PPP2R1B: variants seen among roughly 807,000 people sequenced by gnomAD.
The protein encoded by PPP2R1B is serine/threonine-protein phosphatase 2A 65 kDa regulatory subunit A beta isoform.
A neutral mutation model predicts 72.7 loss-of-function variants in PPP2R1B; 58 were observed. The observed-to-expected ratio is 0.80, with a 90% CI of 0.65 to 0.99. PPP2R1B has a LOEUF of 0.99. Among genes scored for constraint, PPP2R1B ranks in the 50% least tolerant of loss-of-function variants. PPP2R1B has a pLI of 0.00. For missense variants in PPP2R1B, 695 were observed against 733.6 expected (o/e 0.95, Z 0.61); for synonymous variants, 256 against 264.6 (o/e 0.97, Z 0.32).
downstream of PPP2R1B, chr11:111,726,486 C>T (rs1365378966): frequency 2.5e-5 from 4 of 157,700 alleles, no homozygotes; most frequent in East Asian, 7.3e-4. Flanking sequence ...GTGACCCCTC[C>T]TGCTGGGACC....
At chr11:111,753,315 G>GGTTTAAAATAAGTTTAAAATAA in intron 9 of PPP2R1B, 128 bp downstream of exon 9, 1 of 1,283,316 alleles carries the variant, frequency 7.8e-7, no homozygotes, top group Non-Finnish European at 1.1e-6. Flanking sequence ...AGGTGTCATT[G>GGTTTAAAATAAGTTTAAAATAA]GTTTAAAATA....
chr11:111,749,688 A>G (rs1944832000), intron 10 of PPP2R1B, among the ~76,000 whole-genome samples: 1 of 152,202 alleles, frequency 6.6e-6, no homozygotes, highest in Non-Finnish European at 1.5e-5. Flanking sequence ...ACTATCTGAT[A>G]TAAAAATATT....
the PPP2R1B span, among the ~76,000 whole-genome samples, chr11:111,717,360 C>G: frequency 7.8e-6 from 1 of 128,324 alleles, no homozygotes; most frequent in Admixed American, 8.1e-5. Flanking sequence ...CATGACTGAT[C>G]ATTAGAGAAA....
rs1022031491 is a variant in PPP2R1B, at chr11:111,738,396, G to A, written c.*3200C>T. ...GCCACAGGGACAGAGCCAATGTGACGTCTAAGGGCAAGCCCCAGCCTTTCA... is the reference window on the plus strand; with the variant it reads ...GCCACAGGGACAGAGCCAATGTGACATCTAAGGGCAAGCCCCAGCCTTTCA... On this transcript the variant is annotated 3_prime_UTR_variant, in exon 15 of 15. Coordinates refer to ENST00000527614, the MANE Select transcript of PPP2R1B (RefSeq NM_002716.5). The A allele has an allele frequency of 3.5e-5, 34 of 985,396 alleles. No homozygotes were observed. The highest frequency in any genetic ancestry group is 5.2e-5 in the African/African-American group (3 of 57,250). 61.0% of individuals were successfully genotyped at this position (985,396 alleles called of 1,614,324 possible).
intron 8 of PPP2R1B, among the ~76,000 whole-genome samples, 197 bp from the exon 9 acceptor site, chr11:111,753,774 G>A (rs1270628199): frequency 2.0e-5 from 3 of 151,840 alleles, no homozygotes; most frequent in African/African-American, 7.3e-5. Context: ...TGCACCACCA[G>A]GCCTGGCTAA....
the PPP2R1B span, among the ~76,000 whole-genome samples, chr11:111,708,275 G>A: frequency 1.3e-5 from 2 of 152,076 alleles, no homozygotes; most frequent in Non-Finnish European, 1.5e-5. Flanking sequence ...CCAGCTATGC[G>A]GGAGGCTGAG....
Position 111,741,070 on chromosome 11 carries a change from T to G in PPP2R1B, c.*526A>C. The G allele has an allele frequency of 5.1e-6, 5 of 987,304 alleles. No individual in the cohort carries two copies. Among genetic ancestry groups the G allele is most frequent in the Non-Finnish European group, 3.6e-6 (3 of 830,934 alleles). The allele number at this position is 987,304 out of a possible 1,614,324, so 61.2% of individuals were successfully genotyped here. ...TCCACATTCCCCTTTCACATGAGAC[T>G]AATGCAGACCATCATAATTCAGGAA... is the stretch of plus-strand genomic sequence containing the variant. On this transcript the variant is annotated 3_prime_UTR_variant, in exon 15 of 15. Transcript: ENST00000527614.
chr11:111,765,348 C>A lies in PPP2R1B; in HGVS notation c.151G>T (p.Ala51Ser). 2 of 1,613,678 alleles carry A rather than the reference C, an allele frequency of 1.2e-6. No individual in the cohort carries two copies. Among genetic ancestry groups the A allele is most frequent in the Non-Finnish European group, 1.7e-6 (2 of 1,179,636 alleles). The change falls in exon 2 of 15, where the codon GCC becomes TCC. Residue 51 changes from alanine to serine, a missense_variant. Physicochemically the swap from Ala to Ser is moderately conservative, Grantham distance 99 (BLOSUM62 1). Transcript: ENST00000527614. ...GTCCTTTCTACTCCAAGTGCTAGGG[C>A]AATTGTTGATAACTTCTTAATACTG... is the stretch of plus-strand genomic sequence containing the variant. ...LNSIKKLSTI[A>S]LALGVERTRS... is the part of the protein sequence containing the mutation.
At chr11:111,737,416 C>A (rs1944370027), downstream of PPP2R1B, 1 of 1,613,944 alleles carries the variant, frequency 6.2e-7, no homozygotes, top group Admixed American at 1.7e-5. Flanking sequence ...GCCCTGAGGG[C>A]AGGACTTGAC....
chr11:111,692,049 C>T, the PPP2R1B span, among the ~76,000 whole-genome samples: 1 of 151,718 alleles, frequency 6.6e-6, no homozygotes, highest in Non-Finnish European at 1.5e-5. Flanking sequence ...ATCGGGGAGA[C>T]AGAGAAAGAA....
chr11:111,758,520 G>C (rs962188815), intron 5 of PPP2R1B, among the ~76,000 whole-genome samples: 1 of 152,104 alleles, frequency 6.6e-6, no homozygotes, highest in African/African-American at 2.4e-5. Context: ...AACCCGGGAG[G>C]CAGAGGTTGC....
chr11:111,721,925 G>A (rs1245550257), downstream of PPP2R1B: 5 of 1,607,192 alleles, frequency 3.1e-6, no homozygotes, highest in Non-Finnish European at 4.2e-6. Context: ...CCCAGTACCT[G>A]CAGCACAGAC....
chr11:111,752,076 C>T (rs1204896832), intron 10 of PPP2R1B, 83 bp downstream of exon 10: 8 of 1,390,128 alleles, frequency 5.8e-6, no homozygotes, highest in Non-Finnish European at 7.8e-6. Flanking sequence ...CATAAGCATA[C>T]AGGCTACTAG....
At chr11:111,722,127 G>C (rs1287780904), downstream of PPP2R1B, among the ~76,000 whole-genome samples, 1 of 152,186 alleles carries the variant, frequency 6.6e-6, no homozygotes, top group Non-Finnish European at 1.5e-5. This position sits in a 1 kb window ranked among gnomAD's most constrained non-coding sequence, Gnocchi z 4.4. Context: ...GCTGTGTGTT[G>C]GTGGTGGGAA....
At chr11:111,700,812 G>T in the PPP2R1B span, 1 of 1,562,688 alleles carries the variant, frequency 6.4e-7, no homozygotes. Flanking sequence ...TAGCATATTA[G>T]AAAATTTATT....
Position 111,740,525 on chromosome 11 carries a change from C to T in PPP2R1B, c.*1071G>A, listed in dbSNP as rs767064329. The T allele has an allele frequency of 2.0e-6, 2 of 985,262 alleles. No individual in the cohort carries two copies. The highest frequency in any genetic ancestry group is 2.4e-6 in the Non-Finnish European group (2 of 829,784). 61.0% of individuals were successfully genotyped at this position (985,262 alleles called of 1,614,324 possible). ...TAAGTAGTTCAAATAGGCTTCCTCA[C>T]TATTAATTTGCTTCAGTAAACTCTT... On this transcript the variant is annotated 3_prime_UTR_variant, in exon 15 of 15. Coordinates refer to ENST00000527614, the MANE Select transcript of PPP2R1B (RefSeq NM_002716.5).
rs745965677 is a variant in PPP2R1B at position 111,741,551 on chromosome 11, T to C, written c.*45A>G. 6.8e-6 allele frequency: 11 copies of C among 1,606,466 alleles called. No homozygotes were observed. Among genetic ancestry groups the C allele is most frequent in the Non-Finnish European group, 9.3e-6 (11 of 1,178,118 alleles). On this transcript the variant is annotated 3_prime_UTR_variant, in exon 15 of 15. Coordinates refer to ENST00000527614, the MANE Select transcript of PPP2R1B (RefSeq NM_002716.5). Reference sequence around the variant, plus strand: ...CAGTTAAGAACACATTGACTAGAAATTTGTGACAAGAATCTAGTAAAGGCC... The same window carrying C: ...CAGTTAAGAACACATTGACTAGAAACTTGTGACAAGAATCTAGTAAAGGCC...
chr11:111,737,829 G>A (rs1265486033), downstream of PPP2R1B: 1 of 1,274,038 alleles, frequency 7.8e-7, no homozygotes, highest in Non-Finnish European at 1.0e-6. Context: ...CCCACATCCT[G>A]GTCACTGATG....
downstream of PPP2R1B, among the ~76,000 whole-genome samples, chr11:111,735,720 AG>A (rs1381809154): frequency 6.6e-6 from 1 of 152,132 alleles, no homozygotes; most frequent in Non-Finnish European, 1.5e-5. Flanking sequence ...GAGGGCCCTG[AG>A]GCTGGCTGAG....
Sources: gnomAD v4.1 joint callset for allele counts (sites outside exome capture counted in the v4.1 genomes callset) on GRCh38, gnomAD v4.1.1 for gene constraint, Gnocchi (gnomAD v3.1) non-coding constraint, MANE v1.5 for transcripts, NCBI Gene and HGNC (gene_info 2026-07-23, HGNC 2026-07-21) for gene names.